Variants in SEMA5A observed in about 807,000 individuals in gnomAD.
SEMA5A encodes the protein semaphorin 5A, also known as semaphorin-5A.
A neutral mutation model predicts 135.5 loss-of-function variants in SEMA5A; 55 were observed. That is an observed-to-expected ratio of 0.41 (90% CI 0.33 to 0.51). The LOEUF is 0.51. Among genes scored for constraint, SEMA5A ranks in the 20% least tolerant of loss-of-function variants. The probability of loss-of-function intolerance (pLI) is 0.37; values close to 1 mark genes in which losing one functional copy is unlikely to be tolerated. For missense variants in SEMA5A, 1,290 were observed against 1,419.9 expected (o/e 0.91, Z 1.47); for synonymous variants, 580 against 546.5 (o/e 1.06, Z -0.85).
intron 13 of SEMA5A, among the ~76,000 whole-genome samples, chr5:9,123,981 G>GA (rs1740970116): frequency 6.6e-6 from 1 of 152,130 alleles, no homozygotes; most frequent in Non-Finnish European, 1.5e-5. Context: ...AAAAAGTGAA[G>GA]AAAGAGCCAA....
At chr5:9,297,174 A>G (rs1398667092) in intron 5 of SEMA5A, among the ~76,000 whole-genome samples, 2 of 151,870 alleles carry the variant, frequency 1.3e-5, no homozygotes, top group Non-Finnish European at 2.9e-5. Flanking sequence ...ATATATATAC[A>G]TATACATATG....
chr5:9,520,941 G>A (rs1201713438), intron 1 of SEMA5A, among the ~76,000 whole-genome samples: 1 of 152,226 alleles, frequency 6.6e-6, no homozygotes, highest in Non-Finnish European at 1.5e-5. Flanking sequence ...AAAAAGTGAG[G>A]AAGTCAGAAT....
intron 1 of SEMA5A, among the ~76,000 whole-genome samples, chr5:9,542,924 C>A (rs1738171023): frequency 6.6e-6 from 1 of 152,180 alleles, no homozygotes; most frequent in Admixed American, 6.5e-5. Flanking sequence ...ATACTCTTGG[C>A]TGGACATTTA....
rs73742642 is a variant in SEMA5A at position 9,326,003 on chromosome 5, G to C, written c.225-7586C>G. On this transcript the variant is annotated intron_variant, in intron 4 of 22. Transcript: ENST00000382496. ...AAACGTTTGTTGCTGATTAATAAAA[G>C]TTTAGACCAAGGCTGATCACGAAAC... 4.4e-3 allele frequency among the ~76,000 whole-genome samples: 664 copies of C among 152,256 alleles called. 7 individuals are homozygous for C. The highest frequency in any genetic ancestry group is 0.015 in the African/African-American group (627 of 41,568).
chr5:9,131,632 AAAAAAAAAAAAAAAAAAAAAAAAAAACC>A (rs1741430103), intron 13 of SEMA5A, among the ~76,000 whole-genome samples: 1 of 107,498 alleles, frequency 9.3e-6, no homozygotes. Flanking sequence ...AAAAAAAAAA[AAAAAAAAAAAAAAAAAAAAAAAAAAACC>A]TGTCATGTGA....
At chr5:9,136,895 TG>T (rs1741788311) in intron 12 of SEMA5A, among the ~76,000 whole-genome samples, 1 of 152,210 alleles carries the variant, frequency 6.6e-6, no homozygotes, top group Non-Finnish European at 1.5e-5. Flanking sequence ...AGCATTTTGC[TG>T]TCATAAATAG....
At chr5:9,514,254 C>T (rs1736380987) in intron 1 of SEMA5A, among the ~76,000 whole-genome samples, 2 of 152,186 alleles carry the variant, frequency 1.3e-5, no homozygotes, top group African/African-American at 4.8e-5. Context: ...ACATTTAAGA[C>T]CCACATGGAC....
At chr5:9,290,520 C>T (rs891257900) in intron 5 of SEMA5A, among the ~76,000 whole-genome samples, 2 of 152,092 alleles carry the variant, frequency 1.3e-5, no homozygotes, top group African/African-American at 4.8e-5. Flanking sequence ...TTTTGGAAAG[C>T]AATTACGGTC....
At chr5:9,482,235 G>A (rs189199134) in intron 1 of SEMA5A, among the ~76,000 whole-genome samples, 1 of 152,254 alleles carries the variant, frequency 6.6e-6, no homozygotes, top group East Asian at 1.9e-4. Context: ...TACTCCAGAA[G>A]ATTCAGGACA....
Position 9,044,497 on chromosome 5 carries a change from T to G in SEMA5A, c.2981A>C (p.Gln994Pro). The part of the protein sequence containing the change: ...LLTLLVYTYC[Q>P]RYQQQSHDAT... ...ATCGTGGGATTGCTGCTGGTACCGC[T>G]GGCAGTAAGTATAGACGAGCAGGGT... The change falls in exon 22 of 23, where the codon CAG (glutamine) becomes CCG (proline). Residue 994 changes from glutamine (Q) to proline (P), a missense_variant. By Grantham distance (76) the Gln-to-Pro change is moderately conservative. Around this residue, in one of 3 missense-constraint regions of SEMA5A, gnomAD observed 1,029 missense variants for 1,086.6 expected, o/e 0.95. Coordinates refer to ENST00000382496, the MANE Select transcript of SEMA5A (RefSeq NM_003966.3). The G allele has an allele frequency of 6.2e-7, 1 of 1,613,994 alleles. No individual in the cohort carries two copies. Among genetic ancestry groups the G allele is most frequent in the African/African-American group, 1.3e-5 (1 of 75,018 alleles).
intron 12 of SEMA5A, among the ~76,000 whole-genome samples, chr5:9,150,586 C>T (rs969794915): frequency 2.6e-5 from 4 of 152,244 alleles, no homozygotes; most frequent in African/African-American, 9.6e-5. Flanking sequence ...TCTAAGGCAA[C>T]AGTGCTATGT....
intron 10 of SEMA5A, among the ~76,000 whole-genome samples, chr5:9,194,148 G>A (rs989375244): frequency 3.3e-5 from 5 of 152,252 alleles, no homozygotes; most frequent in East Asian, 1.9e-4. Context: ...TGATTGCCGC[G>A]TGTCTTACTG....
chr5:9,060,372 T>C (rs1056223157), intron 18 of SEMA5A, among the ~76,000 whole-genome samples: 1 of 152,096 alleles, frequency 6.6e-6, no homozygotes, highest in African/African-American at 2.4e-5. Context: ...AACATCCAAG[T>C]GTCTGCAGGA....
chr5:9,298,049 T>C (rs1446680855), intron 5 of SEMA5A, among the ~76,000 whole-genome samples: 1 of 152,204 alleles, frequency 6.6e-6, no homozygotes, highest in Non-Finnish European at 1.5e-5. Context: ...CATTATGACT[T>C]GAACTGTGTC....
intron 1 of SEMA5A, among the ~76,000 whole-genome samples, chr5:9,515,766 G>T (rs535249360): frequency 6.6e-6 from 1 of 152,292 alleles, no homozygotes; most frequent in Admixed American, 6.5e-5. Flanking sequence ...ACAGCTTAAT[G>T]TCAGTGTAAA....
At position 9,207,134 on chromosome 5, in the gene SEMA5A, A is replaced by ATATATATATATAT. The variant is rs1491507145; in HGVS notation, c.647-4895_647-4894insATATATATATATA. On this transcript the variant is annotated intron_variant, in intron 8 of 22. Transcript: ENST00000382496. ...TATATATATATATATATATATATAT[A>ATATATATATATAT]AAGCTTAAAGGTCATTAGAATTTTA... is the stretch of plus-strand genomic sequence containing the variant. 4.4e-3 allele frequency among the ~76,000 whole-genome samples: 615 copies of ATATATATATATAT among 139,274 alleles called. 1 individual carries two copies. The highest frequency in any genetic ancestry group is 8.5e-3 in the South Asian group (35 of 4,106). 91.4% of individuals were successfully genotyped at this position (139,274 alleles called of 152,430 possible). A position where few individuals can be genotyped will look rare whatever the true frequency, so the allele number is the denominator to read the frequency against.
rs564367393 is a variant in SEMA5A at position 9,313,245 on chromosome 5, G to GAAGAC, written c.270+5122_270+5126dup. ...GAGGAAAATTGTAAAACAGTATTGA[G>GAAGAC]AAGACAAGTGGTTAGTATGTAAGGA... On this transcript the variant is annotated intron_variant, in intron 5 of 22. Transcript: ENST00000382496. Among the ~76,000 whole-genome samples, 9 of 152,272 alleles carry GAAGAC rather than the reference G, an allele frequency of 5.9e-5. No homozygotes were observed. In the East Asian group the frequency reaches 1.7e-3, roughly 29 times the overall value.
At chr5:9,451,303 C>T (rs1758636085) in intron 1 of SEMA5A, among the ~76,000 whole-genome samples, 1 of 152,186 alleles carries the variant, frequency 6.6e-6, no homozygotes, top group South Asian at 2.1e-4. Flanking sequence ...GGAAATTAAA[C>T]AACAAACAAG....
intron 16 of SEMA5A, among the ~76,000 whole-genome samples, chr5:9,070,157 G>A (rs1283930526): frequency 6.6e-6 from 1 of 152,192 alleles, no homozygotes; most frequent in African/African-American, 2.4e-5. Context: ...GATCACCTGA[G>A]GTCAGGAGTT....
Sources: allele counts gnomAD v4.1 joint callset (sites outside exome capture counted in the v4.1 genomes callset), GRCh38; gene constraint gnomAD v4.1.1; regional missense constraint gnomAD v4.1.1; transcripts MANE v1.5; gene names NCBI Gene and HGNC (gene_info 2026-07-23, HGNC 2026-07-21).